Variants in SLC25A21 observed in about 807,000 individuals in gnomAD.
The protein encoded by SLC25A21 is mitochondrial 2-oxodicarboxylate carrier.
In SLC25A21, 47 loss-of-function variants were observed where a neutral mutation model predicts 43.8. The observed-to-expected ratio is 1.07, with a 90% CI of 0.85 to 1.37. The LOEUF (loss-of-function observed/expected upper bound fraction) is 1.37, where lower values mean the gene tolerates loss of function less well. Among genes scored for constraint, SLC25A21 ranks in the 40% most tolerant of loss-of-function variants. The probability of loss-of-function intolerance (pLI) is 0.00; values close to 1 mark genes in which losing one functional copy is unlikely to be tolerated. For synonymous variants in SLC25A21, 131 were observed against 121.3 expected, an observed-to-expected ratio of 1.08 and a Z score of -0.52; for missense variants, 352 against 350.2, an observed-to-expected ratio of 1.00 and a Z score of -0.04.
At chr14:36,799,813 A>G (rs1887805116) in intron 3 of SLC25A21, among the ~76,000 whole-genome samples, 1 of 152,188 alleles carries the variant, frequency 6.6e-6, no homozygotes, top group African/African-American at 2.4e-5. Context: ...ACTAAATGAG[A>G]GCACTTAGCA....
chr14:37,027,787 T>A (rs1961125205), intron 1 of SLC25A21, among the ~76,000 whole-genome samples: 1 of 152,188 alleles, frequency 6.6e-6, no homozygotes, highest in Non-Finnish European at 1.5e-5. Context: ...TAAGTAATTA[T>A]TGCTCTAGTG....
At chr14:37,131,193 G>A (rs192638512) in intron 1 of SLC25A21, among the ~76,000 whole-genome samples, 41 of 152,170 alleles carry the variant, frequency 2.7e-4, no homozygotes, top group Non-Finnish European at 3.8e-4. Context: ...GTTAAATGCC[G>A]GACTCCCTAA....
intron 3 of SLC25A21, among the ~76,000 whole-genome samples, chr14:36,753,921 G>GAC (rs1885814656): frequency 1.8e-5 from 1 of 54,784 alleles, no homozygotes. Flanking sequence ...ACTGGGGACA[G>GAC]AGAGAGAGAG....
At chr14:36,985,604 A>G (rs1368989182) in intron 1 of SLC25A21, among the ~76,000 whole-genome samples, 3 of 152,154 alleles carry the variant, frequency 2.0e-5, no homozygotes, top group African/African-American at 7.2e-5. Flanking sequence ...AGATTCAGAC[A>G]CTAAAACTAC....
At chr14:37,172,008 C>G (rs1037620904) in intron 1 of SLC25A21, 3 of 460,172 alleles carry the variant, frequency 6.5e-6, no homozygotes, top group Non-Finnish European at 1.2e-5. Context: ...GGCTCTGCCA[C>G]TTGCTTTACA....
intron 1 of SLC25A21, among the ~76,000 whole-genome samples, chr14:37,052,333 G>A (rs771552589): frequency 2.0e-5 from 3 of 152,170 alleles, no homozygotes; most frequent in Non-Finnish European, 2.9e-5. Context: ...ACCGGGCTAT[G>A]CAACACAACC....
At chr14:36,702,710 G>A (rs559136448) in intron 7 of SLC25A21, among the ~76,000 whole-genome samples, 14 of 152,172 alleles carry the variant, frequency 9.2e-5, no homozygotes, top group Non-Finnish European at 2.1e-4. Context: ...ATTAAGAGAG[G>A]AGCAATGCTG....
chr14:37,056,723 C>G (rs1961838108), intron 1 of SLC25A21, among the ~76,000 whole-genome samples: 1 of 152,178 alleles, frequency 6.6e-6, no homozygotes, highest in South Asian at 2.1e-4. Context: ...GACTTGGCGT[C>G]TGCAGCCAAG....
At chr14:37,167,082 T>C (rs1964042151) in intron 1 of SLC25A21, among the ~76,000 whole-genome samples, 1 of 152,134 alleles carries the variant, frequency 6.6e-6, no homozygotes, top group African/African-American at 2.4e-5. Flanking sequence ...AGTCAAGAAT[T>C]GCCGGCAGAC....
Position 36,678,655 on chromosome 14 carries a change from T to C in SLC25A21, c.*2003A>G. 1 of 1,257,440 alleles carries C rather than the reference T, an allele frequency of 8.0e-7. No individual in the cohort carries two copies. The highest frequency in any genetic ancestry group is 1.0e-6 in the Non-Finnish European group (1 of 1,001,156). 77.9% of individuals were successfully genotyped at this position (1,257,440 alleles called of 1,614,324 possible). Reference sequence around the variant, plus strand: ...TTTTTAGGTGGCTGTTAGGGGGCTTTAAAAAATATTACTTGCTTGTGTGGA... The same window carrying C: ...TTTTTAGGTGGCTGTTAGGGGGCTTCAAAAAATATTACTTGCTTGTGTGGA... On this transcript the variant is annotated 3_prime_UTR_variant, in exon 10 of 10. Transcript: ENST00000331299.
At chr14:37,153,779 G>A (rs1301568552) in intron 1 of SLC25A21, among the ~76,000 whole-genome samples, 4 of 152,116 alleles carry the variant, frequency 2.6e-5, no homozygotes, top group Non-Finnish European at 5.9e-5. Context: ...GCCTAGCTTC[G>A]CTCCTTCACT....
chr14:36,822,660 C>T (rs1310887877), intron 2 of SLC25A21, among the ~76,000 whole-genome samples: 1 of 152,178 alleles, frequency 6.6e-6, no homozygotes, highest in East Asian at 1.9e-4. Flanking sequence ...CAAGGAAAAT[C>T]TTCTGTGCTA....
At chr14:36,724,831 G>C (rs1289844856) in intron 6 of SLC25A21, among the ~76,000 whole-genome samples, 2 of 152,092 alleles carry the variant, frequency 1.3e-5, no homozygotes, top group Admixed American at 6.5e-5. Flanking sequence ...GTGGGGAAAG[G>C]AGTGAGGTCA....
intron 7 of SLC25A21, among the ~76,000 whole-genome samples, chr14:36,704,468 C>T (rs528981301): frequency 6.6e-6 from 1 of 152,006 alleles, no homozygotes; most frequent in Non-Finnish European, 1.5e-5. Flanking sequence ...ACCAGCCTGA[C>T]CAACACGGTG....
At chr14:37,096,777 T>C (rs1962702346) in intron 1 of SLC25A21, among the ~76,000 whole-genome samples, 2 of 152,170 alleles carry the variant, frequency 1.3e-5, no homozygotes, top group East Asian at 1.9e-4. Context: ...TTCTGTGTTA[T>C]CTTGTAGTTG....
At position 37,078,374 on chromosome 14, in the gene SLC25A21, C is replaced by A. The variant is rs148758086; in HGVS notation, c.70+93907G>T. 1.9e-3 allele frequency among the ~76,000 whole-genome samples: 284 copies of A among 152,118 alleles called. 1 individual carries two copies. Among genetic ancestry groups the A allele is most frequent in the African/African-American group, 6.2e-3 (259 of 41,498 alleles). The stretch of plus-strand genomic sequence containing the variant: ...AAGAATGCAAACCACATTATCTTCC[C>A]CACAGGGGAAAACAGAAAAAAACTT... On this transcript the variant is annotated intron_variant, in intron 1 of 9. Coordinates refer to ENST00000331299, the MANE Select transcript of SLC25A21 (RefSeq NM_030631.4).
intron 1 of SLC25A21, among the ~76,000 whole-genome samples, chr14:37,065,882 CTT>C (rs1686912154): frequency 6.6e-6 from 1 of 151,992 alleles, no homozygotes; most frequent in African/African-American, 2.4e-5. Context: ...ATTGAACACT[CTT>C]TTGAATTGAG....
chr14:36,903,306 G>C (rs929119326), intron 1 of SLC25A21, among the ~76,000 whole-genome samples: 12 of 152,100 alleles, frequency 7.9e-5, no homozygotes, highest in African/African-American at 2.7e-4. Flanking sequence ...CCTGTATCCA[G>C]AAAATGGCCC....
intron 1 of SLC25A21, 132 bp downstream of exon 1, chr14:37,172,149 A>T: frequency 1.1e-6 from 1 of 941,430 alleles, no homozygotes; most frequent in Non-Finnish European, 1.6e-6. Flanking sequence ...GGGCTCAAGC[A>T]CTGCTCCGGG....
Sources: gnomAD v4.1 joint callset for allele counts (sites outside exome capture counted in the v4.1 genomes callset) on GRCh38, gnomAD v4.1.1 for gene constraint, MANE v1.5 for transcripts, NCBI Gene and HGNC (gene_info 2026-07-23, HGNC 2026-07-21) for gene names.